ANO10: variants seen among roughly 807,000 people sequenced by gnomAD.
ANO10 encodes the protein anoctamin-10.
ANO10 carries 77 observed loss-of-function variants against 74.7 expected under a neutral mutation model. The observed-to-expected ratio is 1.03, with a 90% CI of 0.86 to 1.25. The LOEUF (loss-of-function observed/expected upper bound fraction) is 1.25. Among genes scored for constraint, ANO10 ranks in the 50% most tolerant of loss-of-function variants. The pLI is 0.00. For missense variants in ANO10, 721 were observed against 778.1 expected (o/e 0.93, Z 0.87); for synonymous variants, 279 against 284.9 (o/e 0.98, Z 0.21).
At chr3:43,560,980 T>C (rs149585580) in intron 9 of ANO10, among the ~76,000 whole-genome samples, 2 of 152,226 alleles carry the variant, frequency 1.3e-5, no homozygotes, top group Non-Finnish European at 2.9e-5. Flanking sequence ...AAAGCAGTCA[T>C]GTAATTCTCC....
chr3:43,563,164 A>T (rs2080130984), intron 8 of ANO10, among the ~76,000 whole-genome samples: 1 of 152,202 alleles, frequency 6.6e-6, no homozygotes, highest in Admixed American at 6.5e-5. Context: ...AAAGACATGA[A>T]TAGACATTTC....
intron 11 of ANO10, among the ~76,000 whole-genome samples, chr3:43,517,169 AAT>A (rs2077745649): frequency 6.6e-6 from 1 of 152,238 alleles, no homozygotes. Flanking sequence ...GTAAACATTC[AAT>A]GTTTTACACA....
At chr3:43,485,906 C>T in intron 11 of ANO10, 1 of 240,328 alleles carries the variant, frequency 4.2e-6, no homozygotes, top group Non-Finnish European at 8.4e-6. Flanking sequence ...CTCACCGCCA[C>T]CCGCAAAAGG....
intron 1 of ANO10, among the ~76,000 whole-genome samples, chr3:43,686,966 A>G (rs2084283376): frequency 6.6e-6 from 1 of 152,066 alleles, no homozygotes; most frequent in African/African-American, 2.4e-5. Flanking sequence ...AGAAGTCTGC[A>G]TGCAAATTAG....
At chr3:43,667,258 T>G (rs1327955189) in intron 1 of ANO10, among the ~76,000 whole-genome samples, 1 of 151,766 alleles carries the variant, frequency 6.6e-6, no homozygotes, top group African/African-American at 2.4e-5. Context: ...GCCCAGCTAA[T>G]TTTTGCATTT....
intron 11 of ANO10, among the ~76,000 whole-genome samples, chr3:43,473,490 C>A (rs923947434): frequency 6.6e-6 from 1 of 152,196 alleles, no homozygotes; most frequent in Non-Finnish European, 1.5e-5. Context: ...GCTCTCAGTG[C>A]CACACGCGCC....
At chr3:43,687,130 AAT>A (rs2084286088) in intron 1 of ANO10, among the ~76,000 whole-genome samples, 1 of 151,830 alleles carries the variant, frequency 6.6e-6, no homozygotes. Context: ...TTGCTTTCTC[AAT>A]ATGTTTTATT....
chr3:43,607,322 C>G (rs999593910), intron 1 of ANO10, among the ~76,000 whole-genome samples: 1 of 148,452 alleles, frequency 6.7e-6, no homozygotes, highest in African/African-American at 2.5e-5. Flanking sequence ...GGCAACATAG[C>G]AAGACCCTGT....
intron 11 of ANO10, among the ~76,000 whole-genome samples, chr3:43,549,441 C>T (rs2079353794): frequency 1.3e-5 from 2 of 152,108 alleles, no homozygotes; most frequent in African/African-American, 4.8e-5. Flanking sequence ...GCACCTGATC[C>T]TCAAATAGGA....
chr3:43,643,744 C>G (rs1045228198), intron 1 of ANO10, among the ~76,000 whole-genome samples: 4 of 144,102 alleles, frequency 2.8e-5, no homozygotes, highest in Non-Finnish European at 5.9e-5. Flanking sequence ...AGTGCAGTGG[C>G]GCAATCTCGG....
chr3:43,506,261 T>C (rs1266492083), intron 11 of ANO10, among the ~76,000 whole-genome samples: 1 of 152,162 alleles, frequency 6.6e-6, no homozygotes, highest in Non-Finnish European at 1.5e-5. Context: ...TCTCTTTTGT[T>C]ACCCCTCACC....
chr3:43,576,212 T>C (rs2080986851), intron 6 of ANO10, among the ~76,000 whole-genome samples: 1 of 144,790 alleles, frequency 6.9e-6, no homozygotes. Context: ...CATGAAGACA[T>C]TTTTTTTTTC....
Position 43,580,432 on chromosome 3 carries a change from A to C in ANO10, c.513T>G (p.Phe171Leu). 1.2e-6 allele frequency: 2 copies of C among 1,614,090 alleles called. No homozygotes were observed. Among genetic ancestry groups the C allele is most frequent in the Non-Finnish European group, 1.7e-6 (2 of 1,179,994 alleles). Residue 171 changes from phenylalanine to leucine, a missense_variant, in exon 5 of 13, where the codon TTT becomes TTG. Transcript: ENST00000292246. ...TCAGGGCTTCACTGTCATGCAGTGG[A>C]AACACCTGAATCACGATGCCAGACG... ...LLTSGIVIQV[F>L]PLHDSEALKK...
At chr3:43,401,903 C>T (rs2092487736) in intron 12 of ANO10, among the ~76,000 whole-genome samples, 1 of 152,214 alleles carries the variant, frequency 6.6e-6, no homozygotes, top group Admixed American at 6.5e-5. Flanking sequence ...CTTCCTTCCT[C>T]TGTAGTCACT....
At chr3:43,526,314 T>C (rs2078193953) in intron 11 of ANO10, among the ~76,000 whole-genome samples, 1 of 152,234 alleles carries the variant, frequency 6.6e-6, no homozygotes, top group Admixed American at 6.5e-5. Context: ...AGTTCCTCAC[T>C]GGATTTAGAT....
At chr3:43,418,701 A>G (rs1172077071) in intron 12 of ANO10, among the ~76,000 whole-genome samples, 1 of 152,166 alleles carries the variant, frequency 6.6e-6, no homozygotes, top group African/African-American at 2.4e-5. Context: ...ATTATCTCAC[A>G]CTTCCTGTGC....
chr3:43,490,890 C>T (rs774334092), intron 11 of ANO10, among the ~76,000 whole-genome samples: 4 of 152,218 alleles, frequency 2.6e-5, no homozygotes, highest in Admixed American at 6.5e-5. Context: ...TGGCCACAGC[C>T]GGTGCCAGGG....
At chr3:43,498,474 C>T (rs1158068104) in intron 11 of ANO10, among the ~76,000 whole-genome samples, 3 of 152,178 alleles carry the variant, frequency 2.0e-5, no homozygotes, top group Non-Finnish European at 2.9e-5. Flanking sequence ...ATAGGAGAGA[C>T]CTGCCCCCAG....
At chr3:43,620,671 G>A (rs2083346425) in intron 1 of ANO10, among the ~76,000 whole-genome samples, 2 of 152,002 alleles carry the variant, frequency 1.3e-5, no homozygotes, top group South Asian at 4.1e-4. Flanking sequence ...CCAGCTACTC[G>A]GGAGAATCGC....
Sources: gnomAD v4.1 joint callset for allele counts (sites outside exome capture counted in the v4.1 genomes callset) on GRCh38, gnomAD v4.1.1 for gene constraint, MANE v1.5 for transcripts, NCBI Gene and HGNC (gene_info 2026-07-23, HGNC 2026-07-21) for gene names.